The following COL16A1 variants were observed in gnomAD, a reference collection of about 807,000 sequenced individuals.
The protein encoded by COL16A1 is collagen alpha-1(XVI) chain.
In COL16A1, 189 loss-of-function variants were observed where a neutral mutation model predicts 266.3. The ratio of observed to expected loss-of-function variants is 0.71; its 90% CI spans 0.63 to 0.80. The LOEUF (loss-of-function observed/expected upper bound fraction) is 0.80, where lower values mean the gene tolerates loss of function less well. Among genes scored for constraint, COL16A1 ranks in the 30% least tolerant of loss-of-function variants. The probability of loss-of-function intolerance (pLI) is 0.00; values close to 1 mark genes in which losing one functional copy is unlikely to be tolerated. For synonymous variants in COL16A1, 740 were observed against 782.3 expected (o/e 0.95, Z 0.90); for missense variants, 1,928 against 2,122.4 (o/e 0.91, Z 1.80).
rs775094715 is a variant in COL16A1 at position 31,653,776 on chromosome 1, T to C, written c.4534+91A>G. 498 of 1,538,702 alleles carry C rather than the reference T, an allele frequency of 3.2e-4. No individual in the cohort carries two copies. In the African/African-American group the frequency reaches 3.3e-3, roughly 10 times the overall value. Reference sequence around the variant, plus strand: ...ACACACACACACACACACACACACATACATCCCATATTCACAACAGACCTC... The same window carrying C: ...ACACACACACACACACACACACACACACATCCCATATTCACAACAGACCTC... On this transcript the variant is annotated intron_variant, in intron 69 of 70. Coordinates refer to ENST00000373672, the MANE Select transcript of COL16A1 (RefSeq NM_001856.4).
chr1:31,691,089 T>C (rs1163600467), intron 20 of COL16A1, 99 bp downstream of exon 20: 4 of 1,533,096 alleles, frequency 2.6e-6, no homozygotes, highest in Non-Finnish European at 3.5e-6. Context: ...GCCTCCTCCC[T>C]GGGACTTGCT....
chr1:31,682,008 C>T (rs1003250857), intron 37 of COL16A1, among the ~76,000 whole-genome samples: 6 of 96,962 alleles, frequency 6.2e-5, no homozygotes, highest in Admixed American at 1.1e-4. Flanking sequence ...GAAGAGGATA[C>T]AGTTCACCTG....
At chr1:31,653,502 T>G in intron 70 of COL16A1, 97 bp downstream of exon 70, 7 of 1,380,250 alleles carry the variant, frequency 5.1e-6, no homozygotes, top group Non-Finnish European at 2.9e-6. Flanking sequence ...GGCCTGTCGT[T>G]ATTTGGAGTT....
chr1:31,690,458 G>A (rs956850002), intron 21 of COL16A1, 65 bp from the exon 22 acceptor site: 42 of 1,614,036 alleles, frequency 2.6e-5, no homozygotes, highest in African/African-American at 1.9e-4. Context: ...ACTGAGGGCC[G>A]GAGGACCTAG....
chr1:31,661,506 G>C, intron 59 of COL16A1, 48 bp from the exon 60 acceptor site: 2 of 1,613,964 alleles, frequency 1.2e-6, no homozygotes, highest in Non-Finnish European at 1.7e-6. Flanking sequence ...TCAGCTGGGG[G>C]CCTCTTCCCA....
chr1:31,664,015 C>G lies in COL16A1; in HGVS notation c.3555+1157G>C, dbSNP rs546580270. Among the ~76,000 whole-genome samples, 1 of 152,266 alleles carries G rather than the reference C, an allele frequency of 6.6e-6. No individual in the cohort carries two copies. The highest frequency in any genetic ancestry group is 2.1e-4 in the South Asian group (1 of 4,822). Reference sequence around the variant, plus strand: ...GGGGCTCTGTAATGCCACCAGCCACCAGGAGGGGTCAGCAGAGCCCCAACC... The same window carrying G: ...GGGGCTCTGTAATGCCACCAGCCACGAGGAGGGGTCAGCAGAGCCCCAACC... On this transcript the variant is annotated intron_variant, in intron 56 of 70. Coordinates refer to ENST00000373672, the MANE Select transcript of COL16A1 (RefSeq NM_001856.4). The surrounding 1 kb of genome is among the most constrained non-coding windows in gnomAD (Gnocchi z 5.5).
At chr1:31,693,427 G>A (rs920192525) in intron 12 of COL16A1, among the ~76,000 whole-genome samples, 10 of 152,052 alleles carry the variant, frequency 6.6e-5, no homozygotes, top group South Asian at 2.1e-4. Context: ...CCCCACACCC[G>A]TACCCAAGCA....
intron 10 of COL16A1, 25 bp from the exon 11 acceptor site, chr1:31,695,246 G>A: frequency 6.2e-7 from 1 of 1,613,460 alleles, no homozygotes; most frequent in East Asian, 2.2e-5. Flanking sequence ...CAGGCGAAGA[G>A]GTCAATTCTG....
In COL16A1 at chr1:31,691,492, C is replaced by T. The variant is rs373059608; in HGVS notation, c.1323G>A (p.Gly441=). The T allele has an allele frequency of 6.8e-6, 11 of 1,613,580 alleles. No homozygotes were observed. The highest frequency in any genetic ancestry group is 2.7e-5 in the African/African-American group (2 of 74,910). ...KGQKGDPGFV[G]PEGLAGEPGP... ...CAGGCTCTCCTGCCAGCCCCTCAGG[C>T]CCAACAAAGCCAGGGTCTCCCTGGC... Residue 441 remains glycine (G), a synonymous_variant, in exon 19 of 71, where the codon GGG becomes GGA. Coordinates refer to ENST00000373672, the MANE Select transcript of COL16A1 (RefSeq NM_001856.4).
chr1:31,678,779 GAC>G (rs1201470356), intron 42 of COL16A1, among the ~76,000 whole-genome samples: 9 of 152,180 alleles, frequency 5.9e-5, no homozygotes, highest in Non-Finnish European at 1.2e-4. Flanking sequence ...AGGGCAGTGA[GAC>G]ACAGAGAGGT....
chr1:31,656,853 C>T lies in COL16A1; in HGVS notation c.4056+180G>A. 2 of 619,404 alleles carry T rather than the reference C, an allele frequency of 3.2e-6. No individual in the cohort carries two copies. The highest frequency in any genetic ancestry group is 6.2e-5 in the East Asian group (2 of 32,302). 38.4% of individuals were successfully genotyped at this position (619,404 alleles called of 1,614,324 possible). A position where few individuals can be genotyped will look rare whatever the true frequency, so the allele number is the denominator to read the frequency against. On this transcript the variant is annotated intron_variant, in intron 65 of 70. Transcript: ENST00000373672. The surrounding 1 kb of genome is among the most constrained non-coding windows in gnomAD (Gnocchi z 4.2). ...AAAAAAAAAAAAAGGTAAAACAAAT[C>T]TCACTCCCATCCTTGGCCTCAAGTC...
Position 31,685,622 on chromosome 1 carries a change from C to G in COL16A1, c.2016+17G>C, listed in dbSNP as rs892717291. 1 of 1,613,080 alleles carries G rather than the reference C, an allele frequency of 6.2e-7. No homozygotes were observed. The highest frequency in any genetic ancestry group is 8.5e-7 in the Non-Finnish European group (1 of 1,179,464). The stretch of plus-strand genomic sequence containing the variant: ...TGCATCCCCCGTCCAGAGGCCCCTG[C>G]CTATATCCCACCTCACCTGTTTTCC... On this transcript the variant is annotated intron_variant, in intron 29 of 70. Transcript: ENST00000373672. The surrounding 1 kb of genome is among the most constrained non-coding windows in gnomAD (Gnocchi z 4.0).
rs71006319 is a variant in COL16A1, at chr1:31,664,156, A to AGGAAGGGGAAGGGGAAGG, written c.3555+998_3555+1015dup. ...TGCCACTCAGGTCCTGGGGAGGGGA[A>AGGAAGGGGAAGGGGAAGG]GGAAGGGGAAGGGGAAGGGGAAGGG... On this transcript the variant is annotated intron_variant, in intron 56 of 70. Transcript: ENST00000373672. This position sits in a 1 kb window ranked among gnomAD's most constrained non-coding sequence, Gnocchi z 5.5. 2.2e-5 allele frequency among the ~76,000 whole-genome samples: 3 copies of AGGAAGGGGAAGGGGAAGG among 135,042 alleles called. No homozygotes were observed. The highest frequency in any genetic ancestry group is 3.5e-3 in the Middle Eastern group (1 of 282). 88.6% of individuals were successfully genotyped at this position (135,042 alleles called of 152,430 possible).
rs927959326 is a variant in COL16A1, at chr1:31,658,719, A to G, written c.3931-142T>C. On this transcript the variant is annotated intron_variant, in intron 63 of 70. Transcript: ENST00000373672. ...CCTGAACTTGCAGCAGGACTCTGAG[A>G]TGACCTCCAGCCCTCTCCAAAGCCC... 34 of 1,041,492 alleles carry G rather than the reference A, an allele frequency of 3.3e-5. No homozygotes were observed. In the Admixed American group the frequency reaches 5.3e-4, roughly 16 times the overall value. The allele number at this position is 1,041,492 out of a possible 1,614,324, so 64.5% of individuals were successfully genotyped here.
At chr1:31,693,255 C>G (rs751056804) in intron 12 of COL16A1, 101 bp from the exon 13 acceptor site, 1 of 754,918 alleles carries the variant, frequency 1.3e-6, no homozygotes, top group East Asian at 2.6e-5. Context: ...TCCCCCCACA[C>G]ACGGGTACGC....
intron 37 of COL16A1, 142 bp from the exon 38 acceptor site, chr1:31,681,209 G>A: frequency 8.4e-7 from 1 of 1,188,596 alleles, no homozygotes; most frequent in Non-Finnish European, 1.1e-6. Context: ...CGTTCCAGAG[G>A]AGGAGACTGA....
chr1:31,666,414 C>A, intron 52 of COL16A1: 1 of 337,978 alleles, frequency 3.0e-6, no homozygotes, highest in Non-Finnish European at 5.4e-6. Context: ...GCACACTTTC[C>A]ACCAACGCTG....
chr1:31,689,733 G>A lies in COL16A1; in HGVS notation c.1620+8C>T. Reference sequence around the variant, plus strand: ...GGAGGTCCCTCAATGGTCACCCTGGGCACTCACCCTGGCTGGTACAGGATC... The same window carrying A: ...GGAGGTCCCTCAATGGTCACCCTGGACACTCACCCTGGCTGGTACAGGATC... On this transcript the variant is annotated splice_region_variant and intron_variant, in intron 23 of 70. Coordinates refer to ENST00000373672, the MANE Select transcript of COL16A1 (RefSeq NM_001856.4). 1 of 1,610,008 alleles carries A rather than the reference G, an allele frequency of 6.2e-7. No individual in the cohort carries two copies. The highest frequency in any genetic ancestry group is 8.5e-7 in the Non-Finnish European group (1 of 1,176,324).
Position 31,690,381 on chromosome 1 carries a change from C to T in COL16A1, c.1495G>A (p.Val499Met). The T allele has an allele frequency of 6.2e-7, 1 of 1,614,150 alleles. No homozygotes were observed. Among genetic ancestry groups the T allele is most frequent in the Non-Finnish European group, 8.5e-7 (1 of 1,180,034 alleles). The change falls in exon 22 of 71, where the codon GTG (valine) becomes ATG (methionine). Residue 499 changes from valine (V) to methionine (M), a missense_variant. Coordinates refer to ENST00000373672, the MANE Select transcript of COL16A1 (RefSeq NM_001856.4). ...CTAGGACTCACCTTCTCTCCCTTCA[C>T]ACCTGGCTTCCCCTGTTAGAAAAGA... ...GPGGKPGKPG[V>M]KGEKGDPCEV...
Sources: allele counts gnomAD v4.1 joint callset (sites outside exome capture counted in the v4.1 genomes callset), GRCh38; gene constraint gnomAD v4.1.1; non-coding constraint Gnocchi (gnomAD v3.1); transcripts MANE v1.5; gene names NCBI Gene and HGNC (gene_info 2026-07-23, HGNC 2026-07-21).